NBAS: variants seen among roughly 807,000 people sequenced by gnomAD.
NBAS encodes the protein NBAS subunit of NRZ tethering complex, also known as NAG/BC035112 fusion.
NBAS carries 219 observed loss-of-function variants against 302.5 expected under a neutral mutation model. The ratio of observed to expected loss-of-function variants is 0.72; its 90% CI spans 0.65 to 0.81. NBAS has a LOEUF of 0.81. Among genes scored for constraint, NBAS ranks in the 30% least tolerant of loss-of-function variants. The pLI, the probability that NBAS is intolerant of heterozygous loss-of-function variation, is 0.00. For synonymous variants in NBAS, 1,118 were observed against 1,021.6 expected (o/e 1.09, Z -1.80); for missense variants, 2,932 against 2,841.6 (o/e 1.03, Z -0.72).
chr2:15,489,814 A>G (rs1680780626), intron 11 of NBAS, among the ~76,000 whole-genome samples: 1 of 152,160 alleles, frequency 6.6e-6, no homozygotes, highest in Non-Finnish European at 1.5e-5. Flanking sequence ...GCCACCACCT[A>G]CGATACACTC....
At chr2:15,293,987 C>A (rs893602878) in intron 40 of NBAS, among the ~76,000 whole-genome samples, 1 of 152,138 alleles carries the variant, frequency 6.6e-6, no homozygotes, top group Non-Finnish European at 1.5e-5. Context: ...GTTAAAAGAC[C>A]TGGGTTTGAA....
chr2:14,929,775 G>A, the NBAS span, among the ~76,000 whole-genome samples: 1 of 152,102 alleles, frequency 6.6e-6, no homozygotes, highest in Non-Finnish European at 1.5e-5. Flanking sequence ...GTGCAGAGAG[G>A]GCACTGATTC....
the NBAS span, among the ~76,000 whole-genome samples, chr2:15,142,801 T>C: frequency 6.6e-6 from 1 of 152,226 alleles, no homozygotes; most frequent in Non-Finnish European, 1.5e-5. Context: ...CCTCAAGAGA[T>C]ATCTTAAGAG....
At chr2:15,554,901 T>G (rs1443042186) in intron 3 of NBAS, among the ~76,000 whole-genome samples, 4 of 152,084 alleles carry the variant, frequency 2.6e-5, no homozygotes, top group African/African-American at 9.7e-5. Context: ...TCTGCAAGCA[T>G]AAGTTCAAAA....
At chr2:15,414,962 A>T (rs1676854473) in intron 25 of NBAS, among the ~76,000 whole-genome samples, 1 of 152,196 alleles carries the variant, frequency 6.6e-6, no homozygotes, top group South Asian at 2.1e-4. Flanking sequence ...GAAAAAAAAG[A>T]ATAATTACAA....
chr2:15,500,359 A>C (rs1205553909), intron 11 of NBAS, among the ~76,000 whole-genome samples: 4 of 152,152 alleles, frequency 2.6e-5, no homozygotes, highest in Non-Finnish European at 2.9e-5. Flanking sequence ...ACAAGTATTT[A>C]TTGAATATTA....
At chr2:14,917,091 G>T in the NBAS span, among the ~76,000 whole-genome samples, 1 of 152,188 alleles carries the variant, frequency 6.6e-6, no homozygotes, top group Non-Finnish European at 1.5e-5. Flanking sequence ...GCTATCTATT[G>T]CTACATTTTA....
At chr2:15,096,235 G>C in the NBAS span, among the ~76,000 whole-genome samples, 1 of 152,122 alleles carries the variant, frequency 6.6e-6, no homozygotes, top group African/African-American at 2.4e-5. Context: ...GCTTTTTCAA[G>C]ACCAGCTGGC....
At chr2:14,962,348 A>G in the NBAS span, among the ~76,000 whole-genome samples, 1 of 152,320 alleles carries the variant, frequency 6.6e-6, no homozygotes, top group East Asian at 1.9e-4. Context: ...AATTGGTTCA[A>G]TTGCTGGGAA....
the NBAS span, among the ~76,000 whole-genome samples, chr2:14,885,058 A>C: frequency 6.6e-6 from 1 of 152,184 alleles, no homozygotes. Flanking sequence ...CCAGGATTTG[A>C]GATTTTTATT....
chr2:15,054,699 T>G, the NBAS span, among the ~76,000 whole-genome samples: 1 of 152,144 alleles, frequency 6.6e-6, no homozygotes, highest in African/African-American at 2.4e-5. Context: ...CTAAAGAACC[T>G]CCAGATCGGG....
At chr2:15,448,692 C>G (rs1317066060) in intron 21 of NBAS, among the ~76,000 whole-genome samples, 1 of 152,110 alleles carries the variant, frequency 6.6e-6, no homozygotes, top group Non-Finnish European at 1.5e-5. Context: ...ACACTGAGGA[C>G]AAAACTTTTC....
chr2:15,151,111 C>G, the NBAS span, among the ~76,000 whole-genome samples: 6 of 152,182 alleles, frequency 3.9e-5, no homozygotes, highest in Non-Finnish European at 5.9e-5. Context: ...ACTGATAATG[C>G]CTAAGGCATA....
chr2:15,307,296 T>C (rs2148155687), intron 40 of NBAS, among the ~76,000 whole-genome samples: 1 of 152,256 alleles, frequency 6.6e-6, no homozygotes, highest in African/African-American at 2.4e-5. Flanking sequence ...GATGGCGAGA[T>C]ATGAAAGGTG....
At chr2:14,884,173 C>T in the NBAS span, among the ~76,000 whole-genome samples, 8 of 152,156 alleles carry the variant, frequency 5.3e-5, no homozygotes, top group Admixed American at 1.3e-4. Context: ...TGGCAAGCTT[C>T]ATTTTGAGCG....
At position 15,496,069 on chromosome 2, in the gene NBAS, T is replaced by C. The variant is rs560278634; in HGVS notation, c.955-7047A>G. ...AAATAAAACACTGTGTGTGTGTATA[T>C]ATATACACACACACATACATATACA... On this transcript the variant is annotated intron_variant, in intron 11 of 51. Transcript: ENST00000281513. Among the ~76,000 whole-genome samples, 26 of 147,102 alleles carry C rather than the reference T, an allele frequency of 1.8e-4. No homozygotes were observed. In the South Asian group the frequency reaches 2.2e-3, roughly 12 times the overall value.
intron 42 of NBAS, 43 bp downstream of exon 42, chr2:15,287,030 A>G (rs1302192613): frequency 6.8e-7 from 1 of 1,480,536 alleles, no homozygotes; most frequent in East Asian, 2.3e-5. Flanking sequence ...TAGACTCTAA[A>G]GAAAGACATG....
At chr2:14,936,118 C>G in the NBAS span, among the ~76,000 whole-genome samples, 2 of 152,144 alleles carry the variant, frequency 1.3e-5, no homozygotes, top group African/African-American at 4.8e-5. Context: ...ATGTTTAGGT[C>G]AAAATATACT....
intron 44 of NBAS, among the ~76,000 whole-genome samples, chr2:15,248,407 A>T (rs1668204281): frequency 6.6e-6 from 1 of 152,188 alleles, no homozygotes; most frequent in Non-Finnish European, 1.5e-5. Context: ...TTGAGAAGCA[A>T]GAGCAAACAC....
Sources: allele counts gnomAD v4.1 joint callset (sites outside exome capture counted in the v4.1 genomes callset), GRCh38; gene constraint gnomAD v4.1.1; transcripts MANE v1.5; gene names NCBI Gene and HGNC (gene_info 2026-07-23, HGNC 2026-07-21).